JAKMIP2: variants seen among roughly 807,000 people sequenced by gnomAD.
The protein encoded by JAKMIP2 is janus kinase and microtubule interacting protein 2.
JAKMIP2 carries 25 observed loss-of-function variants against 115.0 expected under a neutral mutation model. That is an observed-to-expected ratio of 0.22 (90% confidence interval 0.16 to 0.30). JAKMIP2 has a LOEUF of 0.30. Ranked by LOEUF, JAKMIP2 falls within the 10% of genes least tolerant of loss-of-function variation. The pLI is 1.00. For synonymous variants in JAKMIP2, 334 were observed against 343.6 expected (o/e 0.97, Z 0.31); for missense variants, 642 against 957.6 (o/e 0.67, Z 4.35).
intron 16 of JAKMIP2, among the ~76,000 whole-genome samples, chr5:147,626,336 T>C (rs1384260903): frequency 1.3e-5 from 2 of 152,202 alleles, no homozygotes; most frequent in Non-Finnish European, 2.9e-5. Flanking sequence ...CTGGTCCCTA[T>C]ACCTTTCTTG....
Position 147,658,757 on chromosome 5 carries a change from G to A in JAKMIP2, c.627+2191C>T, listed in dbSNP as rs191080145. On this transcript the variant is annotated intron_variant, in intron 3 of 21. Coordinates refer to ENST00000616793, the MANE Select transcript of JAKMIP2 (RefSeq NM_001270941.2). ...GAGGAGGACTCTAGAGAAGCAGTCT[G>A]ACCACAGCCGCTTTGCTGTGCTGTG... Among the ~76,000 whole-genome samples the A allele has an allele frequency of 3.0e-3, 458 of 152,240 alleles. 3 individuals carry two copies. The highest frequency in any genetic ancestry group is 0.011 in the African/African-American group (438 of 41,536).
intron 1 of JAKMIP2, among the ~76,000 whole-genome samples, chr5:147,739,719 CT>C (rs1413124809): frequency 6.6e-6 from 1 of 152,116 alleles, no homozygotes; most frequent in African/African-American, 2.4e-5. Flanking sequence ...AGTGCTCCAA[CT>C]TCAGTGAGGG....
At chr5:147,633,624 T>C (rs150229465) in intron 12 of JAKMIP2, among the ~76,000 whole-genome samples, 45 of 152,252 alleles carry the variant, frequency 3.0e-4, no homozygotes, top group African/African-American at 1.1e-3. Flanking sequence ...TGAGGAAGCA[T>C]GGATTTCAGT....
intron 1 of JAKMIP2, among the ~76,000 whole-genome samples, chr5:147,776,468 C>T (rs1755559630): frequency 6.6e-6 from 1 of 152,198 alleles, no homozygotes; most frequent in Admixed American, 6.5e-5. Flanking sequence ...GAGGCCTCCC[C>T]AGCCCTGCAG....
At chr5:147,708,940 C>T (rs1193401004) in intron 1 of JAKMIP2, among the ~76,000 whole-genome samples, 1 of 152,160 alleles carries the variant, frequency 6.6e-6, no homozygotes, top group Non-Finnish European at 1.5e-5. Context: ...CAGTGACTCT[C>T]CTAAAGTAAA....
chr5:147,661,531 T>G (rs1758974659), intron 2 of JAKMIP2, 86 bp from the exon 3 acceptor site: 2 of 1,354,394 alleles, frequency 1.5e-6, no homozygotes, highest in Non-Finnish European at 2.0e-6. Flanking sequence ...CTCAGGCCGC[T>G]GTGATCTCTT....
intron 1 of JAKMIP2, among the ~76,000 whole-genome samples, chr5:147,688,535 T>C (rs780826224): frequency 1.3e-5 from 2 of 152,140 alleles, no homozygotes; most frequent in African/African-American, 4.8e-5. Context: ...CTAATAATAA[T>C]AAATAATAGT....
chr5:147,708,615 G>A (rs1056224141), intron 1 of JAKMIP2, among the ~76,000 whole-genome samples: 2 of 152,132 alleles, frequency 1.3e-5, no homozygotes, highest in Admixed American at 1.3e-4. Context: ...CAATTCTAAT[G>A]TTAACTTTCT....
rs927898885 is a variant in JAKMIP2, at chr5:147,588,471, C to T, written c.*3236G>A. ...TCCAAGGGAAGCATTCATTTAAACA[C>T]GGTCCATTTCCATGGATCCATGAGT... On this transcript the variant is annotated 3_prime_UTR_variant, in exon 22 of 22. Transcript: ENST00000616793. 4.0e-5 allele frequency: 6 copies of T among 150,530 alleles called. No homozygotes were observed. Among genetic ancestry groups the T allele is most frequent in the Admixed American group, 2.7e-4 (4 of 15,054 alleles). The allele number at this position is 150,530 out of a possible 1,614,324, so 9.3% of individuals were successfully genotyped here.
intron 1 of JAKMIP2, among the ~76,000 whole-genome samples, chr5:147,679,267 C>T (rs1006108189): frequency 6.6e-6 from 1 of 152,144 alleles, no homozygotes; most frequent in South Asian, 2.1e-4. Context: ...AGGCGTGAGC[C>T]ACCATCCCCA....
intron 18 of JAKMIP2, among the ~76,000 whole-genome samples, chr5:147,620,014 T>C (rs770224111): frequency 2.0e-4 from 31 of 152,162 alleles, no homozygotes; most frequent in Non-Finnish European, 3.1e-4. Context: ...GGATTTGGTT[T>C]AATAAAATTT....
At chr5:147,645,597 A>G (rs1394880431) in intron 5 of JAKMIP2, among the ~76,000 whole-genome samples, 1 of 152,210 alleles carries the variant, frequency 6.6e-6, no homozygotes, top group Non-Finnish European at 1.5e-5. Flanking sequence ...CCCCAAGCTT[A>G]GTAAAGTATG....
chr5:147,743,994 ACTTCTTTCCTTCCTTCCTTCCTTCCTTC>A (rs1754249218), intron 1 of JAKMIP2, among the ~76,000 whole-genome samples: 1 of 69,226 alleles, frequency 1.4e-5, no homozygotes, highest in Non-Finnish European at 3.0e-5. Flanking sequence ...TTCCTTCCTA[ACTTCTTTCCTTCCTTCCTTCCTTCCTTC>A]CTTCCTTCCT....
At chr5:147,610,745 C>A (rs776105127) in intron 20 of JAKMIP2, among the ~76,000 whole-genome samples, 1 of 152,228 alleles carries the variant, frequency 6.6e-6, no homozygotes, top group Non-Finnish European at 1.5e-5. Flanking sequence ...TCAGAGCCAG[C>A]AGGCAGGAAT....
chr5:147,747,784 C>T (rs1336926878), intron 1 of JAKMIP2, among the ~76,000 whole-genome samples: 1 of 152,196 alleles, frequency 6.6e-6, no homozygotes. Flanking sequence ...TCATGCTATG[C>T]TCTAGCCAAA....
intron 20 of JAKMIP2, among the ~76,000 whole-genome samples, chr5:147,610,844 G>C (rs1298441701): frequency 6.6e-6 from 1 of 152,232 alleles, no homozygotes; most frequent in Admixed American, 6.5e-5. Flanking sequence ...ATAAGCCCCT[G>C]AATGGGGCTG....
At chr5:147,698,687 G>A (rs951744595) in intron 1 of JAKMIP2, among the ~76,000 whole-genome samples, 1 of 152,160 alleles carries the variant, frequency 6.6e-6, no homozygotes, top group African/African-American at 2.4e-5. Context: ...TGCCTTGTGA[G>A]GAAGGACGTG....
At chr5:147,619,058 G>A (rs1384057660) in intron 18 of JAKMIP2, among the ~76,000 whole-genome samples, 3 of 152,106 alleles carry the variant, frequency 2.0e-5, no homozygotes, top group African/African-American at 7.2e-5. Context: ...TTTTGTAGAT[G>A]AAGGATGCAC....
At chr5:147,700,439 A>T (rs1468073776) in intron 1 of JAKMIP2, among the ~76,000 whole-genome samples, 1 of 152,186 alleles carries the variant, frequency 6.6e-6, no homozygotes, top group Non-Finnish European at 1.5e-5. Flanking sequence ...ACAGATATTT[A>T]AAATATATAT....
Sources: gnomAD v4.1 joint callset for allele counts (sites outside exome capture counted in the v4.1 genomes callset) on GRCh38, gnomAD v4.1.1 for gene constraint, MANE v1.5 for transcripts, NCBI Gene and HGNC (gene_info 2026-07-23, HGNC 2026-07-21) for gene names.